CBLB: variants seen among roughly 807,000 people sequenced by gnomAD.
The protein encoded by CBLB is E3 ubiquitin-protein ligase CBL-B.
In CBLB, 31 loss-of-function variants were observed where a neutral mutation model predicts 104.9. The observed-to-expected ratio is 0.30, with a 90% CI of 0.22 to 0.40. The LOEUF (loss-of-function observed/expected upper bound fraction) is 0.40, where lower values mean the gene tolerates loss of function less well. Among genes scored for constraint, CBLB ranks in the 10% least tolerant of loss-of-function variants. CBLB has a pLI of 1.00. For missense variants in CBLB, 1,062 were observed against 1,214.6 expected (o/e 0.87, Z 1.87); for synonymous variants, 440 against 422.6 (o/e 1.04, Z -0.51).
In CBLB at chr3:105,839,077, CAT is replaced by C. The variant is rs1360020402; in HGVS notation, c.419+14335_419+14336del. 7.2e-5 allele frequency among the ~76,000 whole-genome samples: 11 copies of C among 152,282 alleles called. No individual in the cohort carries two copies. The East Asian group carries it at 1.2e-3, about 16-fold the overall frequency. ...ATACATAAAAGGAGATAATTTGACTCATGTGGATTCTGAAAGCAGACAGAAGG... is the reference window on the plus strand; with the variant it reads ...ATACATAAAAGGAGATAATTTGACTCGTGGATTCTGAAAGCAGACAGAAGG... On this transcript the variant is annotated intron_variant, in intron 3 of 18. Transcript: ENST00000394030.
At chr3:105,729,325 C>A (rs577935536) in intron 9 of CBLB, among the ~76,000 whole-genome samples, 2 of 152,106 alleles carry the variant, frequency 1.3e-5, no homozygotes, top group South Asian at 4.2e-4. Flanking sequence ...CAGTTCAGAG[C>A]ATACTACAGA....
Position 105,658,481 on chromosome 3 carries a change from A to C in CBLB, c.*489T>G, listed in dbSNP as rs2063490272. On this transcript the variant is annotated 3_prime_UTR_variant, in exon 19 of 19. Coordinates refer to ENST00000394030, the MANE Select transcript of CBLB (RefSeq NM_170662.5). ...AGAGAAATGGAACTGGACCTGGGCA[A>C]GGCATGGGGATGGTAGAGATCCATA... 1 of 230,474 alleles carries C rather than the reference A, an allele frequency of 4.3e-6. No individual in the cohort carries two copies. The highest frequency in any genetic ancestry group is 8.6e-6 in the Non-Finnish European group (1 of 115,924). 14.3% of individuals were successfully genotyped at this position (230,474 alleles called of 1,614,324 possible).
At chr3:105,788,454 CA>C (rs916641369) in intron 3 of CBLB, among the ~76,000 whole-genome samples, 6 of 151,624 alleles carry the variant, frequency 4.0e-5, no homozygotes, top group Non-Finnish European at 7.4e-5. Context: ...AAAGAAGTCA[CA>C]AAAAAAATCT....
intron 13 of CBLB, 100 bp from the exon 14 acceptor site, chr3:105,685,566 A>G (rs1355900181): frequency 1.1e-6 from 1 of 936,082 alleles, no homozygotes; most frequent in Admixed American, 2.0e-5. Context: ...TTTATCACTT[A>G]TGTTCATTTT....
chr3:105,839,182 C>T (rs775116690), intron 3 of CBLB, among the ~76,000 whole-genome samples: 9 of 152,134 alleles, frequency 5.9e-5, no homozygotes, highest in Non-Finnish European at 1.2e-4. Flanking sequence ...TATATAAAGG[C>T]TGGCAATCTG....
chr3:105,826,175 T>G (rs1276077194), intron 3 of CBLB, among the ~76,000 whole-genome samples: 4 of 152,154 alleles, frequency 2.6e-5, no homozygotes, highest in Admixed American at 2.0e-4. Context: ...GTACAACTCA[T>G]GTAGTGCTAC....
At chr3:105,827,631 C>T (rs1460030119) in intron 3 of CBLB, among the ~76,000 whole-genome samples, 5 of 151,898 alleles carry the variant, frequency 3.3e-5, no homozygotes, top group Non-Finnish European at 7.4e-5. Context: ...GAGGGAAAGA[C>T]ATGAGGGAGG....
At chr3:105,696,250 C>T (rs572183552) in intron 12 of CBLB, among the ~76,000 whole-genome samples, 4 of 151,680 alleles carry the variant, frequency 2.6e-5, no homozygotes, top group South Asian at 4.2e-4. Context: ...GACCTAAATG[C>T]GCAGGTACTT....
At chr3:105,772,924 C>A (rs1377364774) in intron 4 of CBLB, among the ~76,000 whole-genome samples, 1 of 152,166 alleles carries the variant, frequency 6.6e-6, no homozygotes, top group Admixed American at 6.5e-5. Flanking sequence ...GGGAACACTT[C>A]TACATTGCTG....
At chr3:105,707,610 T>C (rs575980620) in intron 10 of CBLB, among the ~76,000 whole-genome samples, 1 of 152,276 alleles carries the variant, frequency 6.6e-6, no homozygotes, top group East Asian at 1.9e-4. Flanking sequence ...TCAAACACTA[T>C]GAAGATTTGT....
Position 105,840,872 on chromosome 3 carries a change from GAA to G in CBLB, c.419+12540_419+12541del, listed in dbSNP as rs58785159. 3.2e-3 allele frequency among the ~76,000 whole-genome samples: 464 copies of G among 146,040 alleles called. 2 individuals are homozygous for G. Among genetic ancestry groups the G allele is most frequent in the African/African-American group, 7.7e-3 (306 of 39,948 alleles). ...GAAAAGTGAATGAAGTATTACTCAA[GAA>G]AAAAAAAAAAAGAAGAAAATATAAT... On this transcript the variant is annotated intron_variant, in intron 3 of 18. Coordinates refer to ENST00000394030, the MANE Select transcript of CBLB (RefSeq NM_170662.5).
intron 10 of CBLB, among the ~76,000 whole-genome samples, chr3:105,704,996 T>C (rs1361093179): frequency 1.3e-5 from 2 of 152,014 alleles, no homozygotes; most frequent in African/African-American, 2.4e-5. Context: ...GTTAATCAAG[T>C]AGCCTTAACA....
chr3:105,737,289 A>G, intron 7 of CBLB, 31 bp from the exon 8 acceptor site: 1 of 1,100,580 alleles, frequency 9.1e-7, no homozygotes, highest in Non-Finnish European at 1.4e-6. Flanking sequence ...TATTACCTTA[A>G]ATATACAAGT....
chr3:105,841,059 C>T (rs1249843488), intron 3 of CBLB, among the ~76,000 whole-genome samples: 6 of 151,854 alleles, frequency 4.0e-5, no homozygotes, highest in African/African-American at 1.5e-4. Context: ...TTTGGGAGGC[C>T]GAGGTGGGCA....
At position 105,695,718 on chromosome 3, in the gene CBLB, G is replaced by A. The variant is rs545052820; in HGVS notation, c.1960-2130C>T. Among the ~76,000 whole-genome samples the A allele has an allele frequency of 5.3e-5, 8 of 151,874 alleles. No homozygotes were observed. The East Asian group carries it at 1.5e-3, about 29-fold the overall frequency. On this transcript the variant is annotated intron_variant, in intron 12 of 18. Transcript: ENST00000394030. ...TCTATGGCCACTGAAATGCTGTAGT[G>A]TCTTTTCTGAACCATTCATTTGATG...
chr3:105,858,811 A>G (rs1288177180), intron 2 of CBLB, among the ~76,000 whole-genome samples: 1 of 152,226 alleles, frequency 6.6e-6, no homozygotes, highest in Non-Finnish European at 1.5e-5. Context: ...CTTGAGAATC[A>G]GGAACTGTCT....
At chr3:105,864,882 C>G (rs1332798863) in intron 2 of CBLB, among the ~76,000 whole-genome samples, 11 of 152,140 alleles carry the variant, frequency 7.2e-5, no homozygotes, top group Non-Finnish European at 1.5e-5. Context: ...TTATTGGTAG[C>G]TGAAACACAC....
chr3:105,822,552 C>T (rs1351614317), intron 3 of CBLB, among the ~76,000 whole-genome samples: 1 of 152,078 alleles, frequency 6.6e-6, no homozygotes, highest in African/African-American at 2.4e-5. Context: ...ATACTCAGGG[C>T]CAAACTAAAC....
At chr3:105,786,262 T>C (rs2081010242) in intron 3 of CBLB, among the ~76,000 whole-genome samples, 1 of 152,138 alleles carries the variant, frequency 6.6e-6, no homozygotes, top group South Asian at 2.1e-4. Context: ...GTAGAATTAC[T>C]ATGGTTTTTC....
Sources: gnomAD v4.1 joint callset for allele counts (sites outside exome capture counted in the v4.1 genomes callset) on GRCh38, gnomAD v4.1.1 for gene constraint, MANE v1.5 for transcripts, NCBI Gene and HGNC (gene_info 2026-07-23, HGNC 2026-07-21) for gene names.